The following SAMMSON variants were observed in gnomAD, a reference collection of about 807,000 sequenced individuals.
SAMMSON encodes the protein long intergenic non-protein coding RNA 1212.
At chr3:70,073,113 G>C (rs1396413019) in intron 4 of SAMMSON, among the ~76,000 whole-genome samples, 3 of 151,986 alleles carry the variant, frequency 2.0e-5, no homozygotes, top group Non-Finnish European at 4.4e-5. Flanking sequence ...TCCAGTCAGA[G>C]ATGGGTAAAT....
intron 4 of SAMMSON, among the ~76,000 whole-genome samples, chr3:70,091,528 C>T (rs1483028843): frequency 6.6e-6 from 1 of 152,204 alleles, no homozygotes; most frequent in Non-Finnish European, 1.5e-5. Flanking sequence ...TAGGGACTGA[C>T]TTCCTGTTGT....
intron 4 of SAMMSON, among the ~76,000 whole-genome samples, chr3:70,216,717 C>A (rs1048516496): frequency 6.6e-6 from 1 of 152,144 alleles, no homozygotes; most frequent in Admixed American, 6.6e-5. Context: ...TCAAATGTCA[C>A]CTCCTGGGTG....
At chr3:70,100,908 G>T (rs1241794578) in intron 4 of SAMMSON, among the ~76,000 whole-genome samples, 1 of 152,068 alleles carries the variant, frequency 6.6e-6, no homozygotes, top group East Asian at 1.9e-4. Context: ...TCTCCTCAGG[G>T]TACATATTGT....
At chr3:70,042,922 A>C (rs1480005631) in intron 3 of SAMMSON, among the ~76,000 whole-genome samples, 2 of 152,148 alleles carry the variant, frequency 1.3e-5, no homozygotes, top group Non-Finnish European at 2.9e-5. Context: ...GCTTCCCCAG[A>C]GATTTCGCTT....
chr3:70,104,751 A>G (rs958222709), intron 4 of SAMMSON, among the ~76,000 whole-genome samples: 12 of 152,268 alleles, frequency 7.9e-5, no homozygotes, highest in African/African-American at 2.9e-4. Context: ...CTGGGTGTCA[A>G]GGCCTGGGGT....
intron 4 of SAMMSON, among the ~76,000 whole-genome samples, chr3:70,236,676 G>A (rs1366316305): frequency 6.6e-6 from 1 of 152,022 alleles, no homozygotes; most frequent in Non-Finnish European, 1.5e-5. Flanking sequence ...GCTCGCTGCA[G>A]TCTCAACCTC....
chr3:70,049,309 TG>T (rs2107588771), intron 3 of SAMMSON, among the ~76,000 whole-genome samples: 1 of 152,250 alleles, frequency 6.6e-6, no homozygotes, highest in South Asian at 2.1e-4. Context: ...AGCCTTTTCC[TG>T]GGTGGCCAGG....
At chr3:70,406,480 A>G (rs1701179252) in intron 2 of SAMMSON, among the ~76,000 whole-genome samples, 1 of 152,328 alleles carries the variant, frequency 6.6e-6, no homozygotes, top group Admixed American at 6.5e-5. Flanking sequence ...TCTTGGTTTT[A>G]AACATTTTTT....
chr3:70,026,231 C>G (rs912143091), intron 3 of SAMMSON, among the ~76,000 whole-genome samples: 69 of 152,214 alleles, frequency 4.5e-4, no homozygotes, highest in African/African-American at 1.5e-3. Flanking sequence ...TGAATATATT[C>G]TGTTTTAACT....
intron 9 of SAMMSON, among the ~76,000 whole-genome samples, chr3:70,360,960 T>G (rs1702866677): frequency 6.6e-6 from 1 of 152,144 alleles, no homozygotes; most frequent in Non-Finnish European, 1.5e-5. Context: ...ATCCCGTCAC[T>G]GTGCTAATTA....
chr3:70,223,526 G>A (rs1282085742), intron 4 of SAMMSON, among the ~76,000 whole-genome samples: 1 of 152,138 alleles, frequency 6.6e-6, no homozygotes, highest in African/African-American at 2.4e-5. Flanking sequence ...CTAGCGCAGT[G>A]CCTCAATTTG....
At chr3:70,083,656 TC>T (rs940051655) in intron 4 of SAMMSON, among the ~76,000 whole-genome samples, 1 of 152,126 alleles carries the variant, frequency 6.6e-6, no homozygotes, top group African/African-American at 2.4e-5. Context: ...TTGGCTGCCT[TC>T]CTTTCTTTCC....
chr3:70,298,252 A>G (rs1702310267), intron 7 of SAMMSON, among the ~76,000 whole-genome samples: 1 of 152,072 alleles, frequency 6.6e-6, no homozygotes, highest in Non-Finnish European at 1.5e-5. Flanking sequence ...TGATTCTGCC[A>G]CTGGAGTTAT....
chr3:70,319,990 T>G (rs1171559491), intron 7 of SAMMSON, among the ~76,000 whole-genome samples: 2 of 152,026 alleles, frequency 1.3e-5, no homozygotes, highest in Non-Finnish European at 2.9e-5. Context: ...ATAGAAAATT[T>G]CTGCATCCAA....
At chr3:70,231,510 A>G (rs947364854) in intron 4 of SAMMSON, among the ~76,000 whole-genome samples, 1 of 152,186 alleles carries the variant, frequency 6.6e-6, no homozygotes, top group East Asian at 1.9e-4. Context: ...TGACAGAACA[A>G]AAGAGCCAAA....
intron 7 of SAMMSON, among the ~76,000 whole-genome samples, chr3:70,347,473 A>G (rs1281882974): frequency 6.6e-6 from 1 of 152,156 alleles, no homozygotes; most frequent in East Asian, 1.9e-4. Context: ...CAAACACAGC[A>G]GAGATGGAGA....
intron 4 of SAMMSON, among the ~76,000 whole-genome samples, chr3:70,110,820 C>T (rs2067385314): frequency 6.6e-6 from 1 of 152,104 alleles, no homozygotes; most frequent in African/African-American, 2.4e-5. Context: ...GACACCTGAA[C>T]GTACGCCACC....
At chr3:70,105,377 AG>A in intron 4 of SAMMSON, among the ~76,000 whole-genome samples, 1 of 152,168 alleles carries the variant, frequency 6.6e-6, no homozygotes, top group East Asian at 1.9e-4. Context: ...CTGGAGCTGG[AG>A]TTTATATATC....
At chr3:70,261,356 A>G (rs1220718122) in intron 6 of SAMMSON, among the ~76,000 whole-genome samples, 6 of 152,336 alleles carry the variant, frequency 3.9e-5, no homozygotes, top group Admixed American at 3.9e-4. Flanking sequence ...TGCTTCAAAA[A>G]AAGTTGATGT....
Sources: allele counts gnomAD v4.1 joint callset (sites outside exome capture counted in the v4.1 genomes callset), GRCh38; gene constraint gnomAD v4.1.1; transcripts MANE v1.5; gene names NCBI Gene and HGNC (gene_info 2026-07-23, HGNC 2026-07-21).